STOML3: variants seen among roughly 807,000 people sequenced by gnomAD.
STOML3 encodes the protein stomatin-like protein 3.
In STOML3, 31 loss-of-function variants were observed where a neutral mutation model predicts 29.5. The observed-to-expected ratio is 1.05, with a 90% CI of 0.79 to 1.42. STOML3 has a LOEUF of 1.42. STOML3 is among the 40% of genes most tolerant of loss of function. The probability of loss-of-function intolerance (pLI) is 0.00; values close to 1 mark genes in which losing one functional copy is unlikely to be tolerated. For synonymous variants in STOML3, 122 were observed against 139.8 expected, an observed-to-expected ratio of 0.87 and a Z score of 0.90; for missense variants, 380 against 363.0, an observed-to-expected ratio of 1.05 and a Z score of -0.38.
At chr13:38,970,904 T>C (rs989490289) in intron 4 of STOML3, among the ~76,000 whole-genome samples, 1 of 152,162 alleles carries the variant, frequency 6.6e-6, no homozygotes, top group African/African-American at 2.4e-5. Context: ...TGTGACAGGA[T>C]GTTTTGGAGC....
intron 1 of STOML3, among the ~76,000 whole-genome samples, chr13:38,979,100 G>C (rs1422209366): frequency 6.6e-6 from 1 of 152,100 alleles, no homozygotes; most frequent in East Asian, 1.9e-4. Context: ...AACCTTTTGA[G>C]TACAAATGGC....
Position 38,970,238 on chromosome 13 carries a change from G to C in STOML3, c.463C>G (p.Gln155Glu), listed in dbSNP as rs762617772. 9 of 1,613,998 alleles carry C rather than the reference G, an allele frequency of 5.6e-6. No homozygotes were observed. Among genetic ancestry groups the C allele is most frequent in the Middle Eastern group, 1.6e-4 (1 of 6,066 alleles). The change falls in exon 5 of 7, where the codon CAG becomes GAG. Residue 155 changes from glutamine (Q) to glutamate (E), a missense_variant. Gln to Glu is a conservative substitution (Grantham distance 29). Transcript: ENST00000379631. Reference sequence around the variant, plus strand: ...CCAGCTAAGATCTGGGACAAGGTCTGTGTCCCTAAGACATTTCTCAGAGTG... The same window carrying C: ...CCAGCTAAGATCTGGGACAAGGTCTCTGTCCCTAAGACATTTCTCAGAGTG... ...QTTLRNVLGT[Q>E]TLSQILAGRE...
intron 5 of STOML3, among the ~76,000 whole-genome samples, chr13:38,969,120 C>A (rs1301799268): frequency 6.6e-6 from 1 of 152,138 alleles, no homozygotes; most frequent in Non-Finnish European, 1.5e-5. Flanking sequence ...TTATTTATCT[C>A]GCTCTGTTTA....
At chr13:38,985,410 G>C (rs781266388) in intron 1 of STOML3, among the ~76,000 whole-genome samples, 1 of 152,058 alleles carries the variant, frequency 6.6e-6, no homozygotes, top group Admixed American at 6.6e-5. Context: ...GAAACAGAGC[G>C]AGAGAGAGAC....
intron 5 of STOML3, among the ~76,000 whole-genome samples, chr13:38,969,707 A>G (rs1365658345): frequency 6.6e-6 from 1 of 152,144 alleles, no homozygotes; most frequent in African/African-American, 2.4e-5. Context: ...TATCATAATT[A>G]TCATTACTAT....
At chr13:38,987,320 C>T (rs1032393070) in intron 1 of STOML3, among the ~76,000 whole-genome samples, 7 of 151,846 alleles carry the variant, frequency 4.6e-5, no homozygotes, top group Non-Finnish European at 7.4e-5. Context: ...CCCAAAAGTT[C>T]GAGACCAGCC....
intron 4 of STOML3, among the ~76,000 whole-genome samples, chr13:38,971,269 G>A (rs113580418): frequency 0.015 from 2,348 of 152,246 alleles, 64 homozygotes; most frequent in African/African-American, 0.052. Context: ...CTGACCTTAA[G>A]TAATCCTCCT....
intron 4 of STOML3, among the ~76,000 whole-genome samples, chr13:38,971,677 C>T (rs562167348): frequency 1.3e-5 from 2 of 152,288 alleles, no homozygotes; most frequent in East Asian, 1.9e-4. Context: ...TATGCCTGCA[C>T]TTTGGGAGGC....
chr13:38,979,305 T>A lies in STOML3; in HGVS notation c.53-2508A>T, dbSNP rs548673260. Among the ~76,000 whole-genome samples the A allele has an allele frequency of 5.3e-5, 8 of 152,308 alleles. No homozygotes were observed. In the South Asian group the frequency reaches 1.7e-3, roughly 32 times the overall value. ...TTTGTCAAATTTTATTAGTGCTTTTTTAGTATTCATGACAGAGCCTATAGA... is the reference window on the plus strand; with the variant it reads ...TTTGTCAAATTTTATTAGTGCTTTTATAGTATTCATGACAGAGCCTATAGA... On this transcript the variant is annotated intron_variant, in intron 1 of 6. Transcript: ENST00000379631.
chr13:38,981,049 C>A (rs1352931898), intron 1 of STOML3, among the ~76,000 whole-genome samples: 1 of 152,214 alleles, frequency 6.6e-6, no homozygotes, highest in African/African-American at 2.4e-5. Flanking sequence ...GCTATGGAAG[C>A]TGAGGCCCAG....
At chr13:38,989,398 A>G (rs553459104) in intron 1 of STOML3, among the ~76,000 whole-genome samples, 28 of 152,226 alleles carry the variant, frequency 1.8e-4, no homozygotes, top group Middle Eastern at 3.4e-3. Flanking sequence ...TCCAGATGAT[A>G]TTTACTGCCT....
intron 1 of STOML3, 112 bp downstream of exon 1, chr13:38,990,558 G>A (rs758201428): frequency 5.9e-6 from 6 of 1,016,138 alleles, no homozygotes; most frequent in South Asian, 2.4e-5. Context: ...TGAAATTGAG[G>A]CCGATTTCTG....
At position 38,965,985 on chromosome 13, in the gene STOML3, G is replaced by T. The variant is rs1880625794; in HGVS notation, c.*840C>A. 1 of 152,124 alleles carries T rather than the reference G, an allele frequency of 6.6e-6. No homozygotes were observed. Among genetic ancestry groups the T allele is most frequent in the Admixed American group, 6.5e-5 (1 of 15,274 alleles). 9.4% of individuals were successfully genotyped at this position (152,124 alleles called of 1,614,324 possible). A position where few individuals can be genotyped will look rare whatever the true frequency, so the allele number is the denominator to read the frequency against. On this transcript the variant is annotated 3_prime_UTR_variant, in exon 7 of 7. Transcript: ENST00000379631. ...TTGTTTTGAACAGGTTATTTGGCAG[G>T]TGGGGGAGGGGATGTGGATAGAGTT... is the stretch of plus-strand genomic sequence containing the variant.
intron 5 of STOML3, 104 bp downstream of exon 5, chr13:38,970,081 C>T: frequency 9.8e-7 from 1 of 1,021,900 alleles, no homozygotes; most frequent in South Asian, 1.5e-5. Context: ...TGTGTGCAAG[C>T]ATGCATGTGG....
At chr13:38,983,640 C>G (rs1566208969) in intron 1 of STOML3, among the ~76,000 whole-genome samples, 1 of 152,224 alleles carries the variant, frequency 6.6e-6, no homozygotes, top group East Asian at 1.9e-4. Context: ...ATAGAAATAT[C>G]AGGTCTTTAG....
At chr13:38,982,691 C>T (rs943147708) in intron 1 of STOML3, among the ~76,000 whole-genome samples, 2 of 152,138 alleles carry the variant, frequency 1.3e-5, no homozygotes, top group East Asian at 1.9e-4. Flanking sequence ...AACCTGCCTT[C>T]GCTTTTTGGT....
At position 38,974,201 on chromosome 13, in the gene STOML3, T is replaced by C. The variant is rs1880990603; in HGVS notation, c.230-1607A>G. On this transcript the variant is annotated intron_variant, in intron 3 of 6. Coordinates refer to ENST00000379631, the MANE Select transcript of STOML3 (RefSeq NM_145286.3). ...CTACAAAGATTAGAACCACAAGGAATGTCAGCAAGATGGGGACACTAATAT... is the reference window on the plus strand; with the variant it reads ...CTACAAAGATTAGAACCACAAGGAACGTCAGCAAGATGGGGACACTAATAT... Among the ~76,000 whole-genome samples, 3 of 152,282 alleles carry C rather than the reference T, an allele frequency of 2.0e-5. No homozygotes were observed. In the South Asian group the frequency reaches 6.2e-4, roughly 32 times the overall value.
intron 1 of STOML3, among the ~76,000 whole-genome samples, chr13:38,985,141 G>A (rs1036119976): frequency 3.3e-5 from 5 of 152,068 alleles, no homozygotes; most frequent in Non-Finnish European, 5.9e-5. Flanking sequence ...GAAGAAAATA[G>A]GGCAGGGCAC....
intron 6 of STOML3, among the ~76,000 whole-genome samples, chr13:38,967,891 T>C (rs941511849): frequency 6.6e-6 from 1 of 152,216 alleles, no homozygotes; most frequent in Non-Finnish European, 1.5e-5. Context: ...AGGGTGCACT[T>C]ACATTTTGTA....
Sources: allele counts gnomAD v4.1 joint callset (sites outside exome capture counted in the v4.1 genomes callset), GRCh38; gene constraint gnomAD v4.1.1; transcripts MANE v1.5; gene names NCBI Gene and HGNC (gene_info 2026-07-23, HGNC 2026-07-21).